Variants in EPHB2 observed in about 807,000 individuals in gnomAD.
The protein encoded by EPHB2 is ephrin type-B receptor 2.
A neutral mutation model predicts 96.4 loss-of-function variants in EPHB2; 18 were observed. That is an observed-to-expected ratio of 0.19 (90% CI 0.13 to 0.28). The LOEUF (loss-of-function observed/expected upper bound fraction) is 0.28, where lower values mean the gene tolerates loss of function less well. Ranked by LOEUF, EPHB2 falls within the 10% of genes least tolerant of loss-of-function variation. The pLI is 1.00. For synonymous variants in EPHB2, 506 were observed against 534.1 expected (o/e 0.95, Z 0.72); for missense variants, 989 against 1,355.4 (o/e 0.73, Z 4.25).
chr1:22,770,556 A>T (rs1395516567), intron 1 of EPHB2, among the ~76,000 whole-genome samples: 1 of 152,124 alleles, frequency 6.6e-6, no homozygotes, highest in Admixed American at 6.5e-5. Flanking sequence ...TCACATGCAG[A>T]GGGATTTGAG....
Position 22,865,187 on chromosome 1 carries a change from TG to T in EPHB2, c.1279del (p.Val427Ter). On this transcript the variant is annotated frameshift_variant, in exon 5 of 16. Coordinates refer to ENST00000374630, the MANE Select transcript of EPHB2 (RefSeq NM_017449.5). LOFTEE classifies it high-confidence loss of function. The stretch of plus-strand genomic sequence containing the variant: ...GCCCCTTCTCGCCTCAGTTCGCCTC[TG>T]TGAACATCACCACCAACCAGGCAGG... Reference protein sequence around the residue: ...QSPFSPQFASVNITTNQAAPS... With the variant: ...QSPFSPQFASXNITTNQAAPS... 1 of 1,614,208 alleles carries T rather than the reference TG, an allele frequency of 6.2e-7. No individual in the cohort carries two copies. Among genetic ancestry groups the T allele is most frequent in the Non-Finnish European group, 8.5e-7 (1 of 1,180,042 alleles).
intron 3 of EPHB2, among the ~76,000 whole-genome samples, chr1:22,842,368 G>A (rs1645482385): frequency 1.3e-5 from 2 of 152,118 alleles, no homozygotes; most frequent in South Asian, 4.1e-4. Flanking sequence ...ATTCGCGTGG[G>A]GTGTTACCGA....
At chr1:22,885,561 T>G (rs189563164) in intron 6 of EPHB2, among the ~76,000 whole-genome samples, 17 of 152,370 alleles carry the variant, frequency 1.1e-4, no homozygotes, top group African/African-American at 4.1e-4. Context: ...CACCACATGG[T>G]TCTTCACCCC....
intron 3 of EPHB2, among the ~76,000 whole-genome samples, chr1:22,854,874 C>T (rs1329101089): frequency 1.3e-5 from 2 of 152,178 alleles, no homozygotes; most frequent in Non-Finnish European, 2.9e-5. Context: ...ACAGCAAAAG[C>T]AGGAAGCAGG....
chr1:22,754,836 G>GT (rs1644119415), intron 1 of EPHB2, among the ~76,000 whole-genome samples: 1 of 87,734 alleles, frequency 1.1e-5, no homozygotes, highest in Non-Finnish European at 2.4e-5. Context: ...GAGGGGCAGG[G>GT]GAGGGGAGGT....
At chr1:22,847,036 C>T (rs989745606) in intron 3 of EPHB2, among the ~76,000 whole-genome samples, 5 of 152,216 alleles carry the variant, frequency 3.3e-5, no homozygotes, top group Non-Finnish European at 7.3e-5. Flanking sequence ...AATGCTCCCA[C>T]ACTCCCCTCC....
chr1:22,824,853 G>A (rs1166550171), intron 3 of EPHB2, among the ~76,000 whole-genome samples: 1 of 152,252 alleles, frequency 6.6e-6, no homozygotes, highest in Non-Finnish European at 1.5e-5. Flanking sequence ...CAGGGCACCT[G>A]TGGCCAGGGC....
At chr1:22,721,510 G>A (rs540203201) in intron 1 of EPHB2, among the ~76,000 whole-genome samples, 1 of 152,146 alleles carries the variant, frequency 6.6e-6, no homozygotes, top group Non-Finnish European at 1.5e-5. Context: ...CAGTAAGAGC[G>A]CATGTCCAGT....
intron 1 of EPHB2, among the ~76,000 whole-genome samples, chr1:22,766,395 G>A (rs546426394): frequency 4.6e-5 from 7 of 152,194 alleles, no homozygotes; most frequent in South Asian, 2.1e-4. Flanking sequence ...GCAGCGTCCC[G>A]CTCATCCCAC....
intron 9 of EPHB2, among the ~76,000 whole-genome samples, chr1:22,899,076 C>G (rs535888742): frequency 4.0e-5 from 6 of 151,784 alleles, no homozygotes; most frequent in Admixed American, 3.9e-4. Context: ...GCCTGTAATC[C>G]CAGCCACTCG....
At chr1:22,847,274 C>T (rs1239599346) in intron 3 of EPHB2, among the ~76,000 whole-genome samples, 1 of 152,212 alleles carries the variant, frequency 6.6e-6, no homozygotes, top group African/African-American at 2.4e-5. Context: ...GGAGCTTGCC[C>T]AAGGTCAGTG....
At chr1:22,752,426 G>A (rs1644077768) in intron 1 of EPHB2, among the ~76,000 whole-genome samples, 1 of 152,018 alleles carries the variant, frequency 6.6e-6, no homozygotes, top group South Asian at 2.1e-4. Flanking sequence ...GAGCCCAGGA[G>A]GTTGAGGTTG....
chr1:22,895,891 G>T (rs974713615), intron 8 of EPHB2, among the ~76,000 whole-genome samples: 2 of 152,240 alleles, frequency 1.3e-5, no homozygotes, highest in Non-Finnish European at 2.9e-5. Flanking sequence ...GGTGGAAGGG[G>T]TATACAGATT....
rs1640316925 is a variant in EPHB2, at chr1:22,918,194, G to A, written c.*4624G>A. 1 of 152,098 alleles carries A rather than the reference G, an allele frequency of 6.6e-6. No homozygotes were observed. Among genetic ancestry groups the A allele is most frequent in the Non-Finnish European group, 1.5e-5 (1 of 68,052 alleles). 9.4% of individuals were successfully genotyped at this position (152,098 alleles called of 1,614,324 possible). A position where few individuals can be genotyped will look rare whatever the true frequency, so the allele number is the denominator to read the frequency against. ...CCGGAGCGGCCCTCATTTATTCCAGGAGAAGCCAGGCCCTGCTGCTTCAGT... is the reference window on the plus strand; with the variant it reads ...CCGGAGCGGCCCTCATTTATTCCAGAAGAAGCCAGGCCCTGCTGCTTCAGT... On this transcript the variant is annotated 3_prime_UTR_variant, in exon 16 of 16. Transcript: ENST00000374630. This position sits in a 1 kb window ranked among gnomAD's most constrained non-coding sequence, Gnocchi z 4.2.
At chr1:22,818,809 C>T (rs1645109620) in intron 3 of EPHB2, among the ~76,000 whole-genome samples, 1 of 152,166 alleles carries the variant, frequency 6.6e-6, no homozygotes, top group Non-Finnish European at 1.5e-5. Flanking sequence ...CACTCCCTCC[C>T]CCAAGACTGG....
intron 3 of EPHB2, 126 bp downstream of exon 3, chr1:22,785,202 G>A: frequency 8.2e-7 from 1 of 1,226,390 alleles, no homozygotes; most frequent in Non-Finnish European, 1.1e-6. Context: ...TCTAGGGCCA[G>A]GGTTTCCAAA....
intron 3 of EPHB2, among the ~76,000 whole-genome samples, chr1:22,799,208 C>T (rs1644808461): frequency 6.6e-6 from 1 of 152,158 alleles, no homozygotes; most frequent in Admixed American, 6.5e-5. Context: ...GCCTAACAGT[C>T]CCTGATTCCA....
rs113593012 is a variant in EPHB2, at chr1:22,796,232, G to C, written c.811+11156G>C. Among the ~76,000 whole-genome samples, 163 of 152,260 alleles carry C rather than the reference G, an allele frequency of 1.1e-3. 4 individuals carry two copies. The highest frequency in any genetic ancestry group is 3.7e-3 in the African/African-American group (155 of 41,560). Reference sequence around the variant, plus strand: ...CAGTATGTCAGGCGGTGATTAGGACGACGGGGAGAAACAAATCAGGGAAGG... The same window carrying C: ...CAGTATGTCAGGCGGTGATTAGGACCACGGGGAGAAACAAATCAGGGAAGG... On this transcript the variant is annotated intron_variant, in intron 3 of 15. Coordinates refer to ENST00000374630, the MANE Select transcript of EPHB2 (RefSeq NM_017449.5).
intron 3 of EPHB2, among the ~76,000 whole-genome samples, chr1:22,829,205 T>G (rs1204202406): frequency 6.6e-6 from 1 of 152,192 alleles, no homozygotes; most frequent in Non-Finnish European, 1.5e-5. Context: ...GGCTGGGAGG[T>G]AGGAGCCACA....
Sources: gnomAD v4.1 joint callset for allele counts (sites outside exome capture counted in the v4.1 genomes callset) on GRCh38, gnomAD v4.1.1 for gene constraint, Gnocchi (gnomAD v3.1) non-coding constraint, MANE v1.5 for transcripts, NCBI Gene and HGNC (gene_info 2026-07-23, HGNC 2026-07-21) for gene names.